Variants in PCDH11X observed in about 807,000 individuals in gnomAD.
The protein encoded by PCDH11X is protocadherin-11 X-linked.
In PCDH11X, 18 loss-of-function variants were observed where a neutral mutation model predicts 53.3. The ratio of observed to expected loss-of-function variants is 0.34; its 90% CI spans 0.23 to 0.50. The LOEUF is 0.50. Among genes scored for constraint, PCDH11X ranks in the 20% least tolerant of loss-of-function variants. The probability of loss-of-function intolerance (pLI) is 0.98; values close to 1 mark genes in which losing one functional copy is unlikely to be tolerated. For missense variants in PCDH11X, 570 were observed against 1,032.4 expected (o/e 0.55, Z 6.14); for synonymous variants, 279 against 393.3 (o/e 0.71, Z 3.44).
At chrX:92,536,650 A>G (rs771317685) in intron 10 of PCDH11X, among the ~76,000 whole-genome samples, 1,577 of 85,982 alleles carry the variant, frequency 0.018, 47 homozygotes, top group African/African-American at 0.059. Flanking sequence ...CTTGGATAAA[A>G]GCCTTTTTTT....
At chrX:91,911,755 C>A (rs1293547952) in intron 6 of PCDH11X, among the ~76,000 whole-genome samples, 1 of 110,473 alleles carries the variant, frequency 9.1e-6, no homozygotes, top group Non-Finnish European at 1.9e-5. Flanking sequence ...CTTACTATAT[C>A]TTTGTCTATT....
chrX:92,481,392 G>A (rs936656163), intron 10 of PCDH11X, among the ~76,000 whole-genome samples: 1 of 111,564 alleles, frequency 9.0e-6, no homozygotes, highest in African/African-American at 3.3e-5. Context: ...GGCAATATGG[G>A]GAAGGGCCGT....
intron 8 of PCDH11X, among the ~76,000 whole-genome samples, chrX:92,276,079 G>T (rs1219800194): frequency 9.1e-6 from 1 of 110,040 alleles, no homozygotes; most frequent in African/African-American, 3.3e-5. Context: ...CTAAAAAAGA[G>T]TGCATAAAAG....
At chrX:91,961,611 AG>A (rs1448257358) in intron 6 of PCDH11X, among the ~76,000 whole-genome samples, 2 of 109,974 alleles carry the variant, frequency 1.8e-5, no homozygotes, top group African/African-American at 6.7e-5. Context: ...GTAAAGTCAC[AG>A]GGTACAAAAT....
At chrX:92,360,464 G>T (rs942164645) in intron 8 of PCDH11X, among the ~76,000 whole-genome samples, 6 of 110,083 alleles carry the variant, frequency 5.5e-5, no homozygotes, top group African/African-American at 2.0e-4. Context: ...CTCGAAATTG[G>T]TCCTATCTAA....
intron 6 of PCDH11X, among the ~76,000 whole-genome samples, chrX:92,108,045 T>A (rs1173925378): frequency 8.9e-6 from 1 of 112,404 alleles, no homozygotes; most frequent in African/African-American, 3.2e-5. Flanking sequence ...TTTGACAAGC[T>A]GAGTGAAGAT....
rs575926511 is a variant in PCDH11X, at chrX:92,359,301, A to G, written c.3145-28434A>G. ...TTAAATTTATTGATCAGAAGGAAAG[A>G]AAGAGCACTGTGAGAACTGACTGTA... On this transcript the variant is annotated intron_variant, in intron 8 of 10. Transcript: ENST00000682573. Among the ~76,000 whole-genome samples the G allele has an allele frequency of 3.8e-4, 42 of 110,435 alleles. No individual in the cohort carries two copies. The South Asian group carries it at 5.8e-3, about 15-fold the overall frequency.
At chrX:91,889,377 G>T (rs1160320458) in intron 6 of PCDH11X, among the ~76,000 whole-genome samples, 1 of 111,082 alleles carries the variant, frequency 9.0e-6, no homozygotes, top group East Asian at 2.8e-4. Flanking sequence ...GGAGTGCAGT[G>T]GCCTGATCTC....
chrX:91,826,856 G>GTCTGTTATTGATGGACATTTAGGTTGAT, intron 4 of PCDH11X, among the ~76,000 whole-genome samples: 1 of 97,194 alleles, frequency 1.0e-5, no homozygotes, highest in South Asian at 5.4e-4. Flanking sequence ...TCTTTATTCA[G>GTCTGTTATTGATGGACATTTAGGTTGAT]TCTGTTATTG....
chrX:92,278,028 C>A (rs978004672), intron 8 of PCDH11X, among the ~76,000 whole-genome samples: 3 of 111,481 alleles, frequency 2.7e-5, no homozygotes, highest in Non-Finnish European at 5.7e-5. Flanking sequence ...AGGCTGCCTT[C>A]CCTAGTCCGT....
chrX:92,079,483 T>C (rs2063823308), intron 6 of PCDH11X, among the ~76,000 whole-genome samples: 1 of 110,815 alleles, frequency 9.0e-6, no homozygotes, highest in African/African-American at 3.3e-5. Context: ...TGAGACCCCC[T>C]TGAATGGGAT....
chrX:92,530,402 T>A (rs758223522), intron 10 of PCDH11X, among the ~76,000 whole-genome samples: 2 of 110,903 alleles, frequency 1.8e-5, no homozygotes, highest in East Asian at 5.7e-4. Flanking sequence ...TTACCGTTTA[T>A]AAAAACCTTC....
intron 6 of PCDH11X, among the ~76,000 whole-genome samples, chrX:92,179,691 G>A (rs1439244962): frequency 1.8e-5 from 2 of 112,105 alleles, no homozygotes; most frequent in African/African-American, 6.5e-5. Flanking sequence ...TGAATTCCAT[G>A]CTTATATCAT....
At chrX:92,505,805 G>A (rs992397727) in intron 10 of PCDH11X, among the ~76,000 whole-genome samples, 1 of 109,305 alleles carries the variant, frequency 9.1e-6, no homozygotes, top group African/African-American at 3.3e-5. Context: ...ACTATGGAAT[G>A]CTTTCTATGT....
At chrX:91,811,120 G>T (rs1602266564) in intron 3 of PCDH11X, 117 bp from the exon 4 acceptor site, 2 of 742,063 alleles carry the variant, frequency 2.7e-6, no homozygotes, top group East Asian at 7.5e-5. Context: ...CAGCATTTGG[G>T]TTATTGAAGC....
chrX:92,103,619 C>G (rs1394697521), intron 6 of PCDH11X, among the ~76,000 whole-genome samples: 1 of 111,814 alleles, frequency 8.9e-6, no homozygotes, highest in African/African-American at 3.3e-5. Context: ...TGGGGTCCCA[C>G]ACAGATGGGA....
chrX:92,275,992 T>G (rs2068081102), intron 8 of PCDH11X, among the ~76,000 whole-genome samples: 1 of 110,271 alleles, frequency 9.1e-6, no homozygotes, highest in South Asian at 3.9e-4. Context: ...GCGGCTATAG[T>G]CCAGGAATAG....
At chrX:92,593,627 T>G (rs1245039467) in intron 10 of PCDH11X, among the ~76,000 whole-genome samples, 3 of 111,765 alleles carry the variant, frequency 2.7e-5, no homozygotes, top group Non-Finnish European at 5.6e-5. Flanking sequence ...TGAAGCAAGT[T>G]GCAAAGGGTT....
At chrX:91,887,167 A>G (rs1457523444) in intron 6 of PCDH11X, among the ~76,000 whole-genome samples, 69 of 109,879 alleles carry the variant, frequency 6.3e-4, no homozygotes, top group Admixed American at 2.2e-3. Context: ...ATATCTAGCT[A>G]GATGTGATGT....
Sources: allele counts gnomAD v4.1 joint callset (sites outside exome capture counted in the v4.1 genomes callset), GRCh38; gene constraint gnomAD v4.1.1; transcripts MANE v1.5; gene names NCBI Gene and HGNC (gene_info 2026-07-23, HGNC 2026-07-21).